Variants in MYO1E observed in about 807,000 individuals in gnomAD.
MYO1E encodes the protein unconventional myosin-Ie.
A neutral mutation model predicts 151.1 loss-of-function variants in MYO1E; 68 were observed. The ratio of observed to expected loss-of-function variants is 0.45; its 90% CI spans 0.37 to 0.55. The LOEUF (loss-of-function observed/expected upper bound fraction) is 0.55. Ranked by LOEUF, MYO1E falls within the 20% of genes least tolerant of loss-of-function variation. MYO1E has a pLI of 0.00. For missense variants in MYO1E, 1,363 were observed against 1,389.3 expected (o/e 0.98, Z 0.30); for synonymous variants, 601 against 501.7 (o/e 1.20, Z -2.64).
chr15:59,269,259 T>C (rs1037335297), intron 2 of MYO1E, among the ~76,000 whole-genome samples: 3 of 152,194 alleles, frequency 2.0e-5, no homozygotes, highest in East Asian at 3.9e-4. Context: ...AACAGCCTTA[T>C]GTGGGAGATT....
rs1324253097 is a variant in MYO1E, at chr15:59,161,230, C to A, written c.2628G>T (p.Thr876=). ...QKQLPLKFSN[T]LELKLKKENW... ...TTTCCTTTTTCAACTTCAGTTCAAGCCTGCAAAAAGCACAGTGGGGTTAAC... is the reference window on the plus strand; with the variant it reads ...TTTCCTTTTTCAACTTCAGTTCAAGACTGCAAAAAGCACAGTGGGGTTAAC... Residue 876 remains threonine (T), a splice_region_variant and synonymous_variant, in exon 24 of 28, where the codon ACG becomes ACT. Transcript: ENST00000288235. 1.2e-6 allele frequency: 2 copies of A among 1,613,676 alleles called. No homozygotes were observed.
chr15:59,179,575 T>C (rs1256024567), intron 18 of MYO1E, among the ~76,000 whole-genome samples: 4 of 152,204 alleles, frequency 2.6e-5, no homozygotes. Flanking sequence ...TACAGCAACC[T>C]GATCAGGTTG....
intron 24 of MYO1E, among the ~76,000 whole-genome samples, chr15:59,160,597 T>C (rs1468978511): frequency 6.6e-6 from 1 of 151,928 alleles, no homozygotes; most frequent in Non-Finnish European, 1.5e-5. Context: ...TTTATTTTTG[T>C]GTGTGGAGAC....
At chr15:59,341,994 TGA>T (rs1270745590) in intron 1 of MYO1E, among the ~76,000 whole-genome samples, 6 of 152,182 alleles carry the variant, frequency 3.9e-5, no homozygotes, top group Admixed American at 1.3e-4. Context: ...CAACGGTGTA[TGA>T]GAGTTCCCTT....
intron 1 of MYO1E, among the ~76,000 whole-genome samples, chr15:59,339,650 G>A (rs1444472585): frequency 2.0e-5 from 3 of 151,836 alleles, no homozygotes; most frequent in African/African-American, 7.3e-5. Flanking sequence ...TTTCCTTCTC[G>A]TTCCTATAGT....
At chr15:59,209,013 G>T (rs1365306559) in intron 13 of MYO1E, 165 bp from the exon 14 acceptor site, 1 of 816,624 alleles carries the variant, frequency 1.2e-6, no homozygotes, top group Non-Finnish European at 2.0e-6. Flanking sequence ...TCCCAAATAG[G>T]GAGTCACCAC....
At chr15:59,268,720 A>ATTTTTTTTTTTTTTTTTTTTT (rs398027512) in intron 2 of MYO1E, among the ~76,000 whole-genome samples, 698 of 44,896 alleles carry the variant, frequency 0.016, 254 homozygotes, top group Non-Finnish European at 0.024. Context: ...TGACTTTGGT[A>ATTTTTTTTTTTTTTTTTTTTT]TTTTTTTTTT....
At chr15:59,157,984 C>T (rs1171559142) in intron 25 of MYO1E, among the ~76,000 whole-genome samples, 1 of 152,200 alleles carries the variant, frequency 6.6e-6, no homozygotes, top group Non-Finnish European at 1.5e-5. Context: ...AAGCTGACAA[C>T]AGTCTGGTTG....
At chr15:59,308,179 T>A (rs1342156233) in intron 1 of MYO1E, among the ~76,000 whole-genome samples, 1 of 125,032 alleles carries the variant, frequency 8.0e-6, no homozygotes, top group South Asian at 2.6e-4. Flanking sequence ...GCCAAGATCA[T>A]GCCACTGCAC....
intron 1 of MYO1E, among the ~76,000 whole-genome samples, chr15:59,371,058 A>G (rs1306276742): frequency 6.6e-6 from 1 of 152,224 alleles, no homozygotes; most frequent in East Asian, 1.9e-4. Context: ...GAGGAAATGT[A>G]TAGACAAAGT....
intron 18 of MYO1E, among the ~76,000 whole-genome samples, chr15:59,182,972 C>T (rs911359328): frequency 6.6e-6 from 1 of 152,190 alleles, no homozygotes; most frequent in Non-Finnish European, 1.5e-5. Context: ...CTAGATCCCT[C>T]GCACGTGCAG....
chr15:59,227,638 G>T (rs369065655), intron 6 of MYO1E, 48 bp from the exon 7 acceptor site: 2 of 1,608,184 alleles, frequency 1.2e-6, no homozygotes, highest in Non-Finnish European at 1.7e-6. Context: ...AACAAAACAT[G>T]ATGTCCCAAA....
At chr15:59,371,767 G>A in intron 1 of MYO1E, among the ~76,000 whole-genome samples, 1 of 151,962 alleles carries the variant, frequency 6.6e-6, no homozygotes, top group South Asian at 2.1e-4. Flanking sequence ...TTCAGGAGGT[G>A]TTTACTTGGC....
At chr15:59,352,201 G>C (rs912682744) in intron 1 of MYO1E, among the ~76,000 whole-genome samples, 1 of 152,186 alleles carries the variant, frequency 6.6e-6, no homozygotes, top group Non-Finnish European at 1.5e-5. Flanking sequence ...GATTCCACTT[G>C]GAAGAATCGC....
At chr15:59,265,152 C>T (rs2080245887) in intron 2 of MYO1E, among the ~76,000 whole-genome samples, 4 of 152,192 alleles carry the variant, frequency 2.6e-5, no homozygotes, top group African/African-American at 2.4e-5. Context: ...ATGTCTACAT[C>T]TATCCCCAGG....
chr15:59,311,865 A>G (rs2080554470), intron 1 of MYO1E, among the ~76,000 whole-genome samples: 1 of 152,088 alleles, frequency 6.6e-6, no homozygotes, highest in African/African-American at 2.4e-5. Flanking sequence ...GCTATCTCTC[A>G]CACACTTTCT....
intron 16 of MYO1E, among the ~76,000 whole-genome samples, chr15:59,199,137 C>T (rs2079785779): frequency 6.6e-6 from 1 of 152,132 alleles, no homozygotes; most frequent in South Asian, 2.1e-4. Flanking sequence ...GCTCTGTCGC[C>T]CAGGCTGGAG....
intron 3 of MYO1E, among the ~76,000 whole-genome samples, chr15:59,259,083 C>T (rs1566994528): frequency 6.6e-6 from 1 of 152,114 alleles, no homozygotes; most frequent in Non-Finnish European, 1.5e-5. Context: ...AGGCATGAGC[C>T]ACCATGCCCA....
chr15:59,272,187 T>C (rs1376108910), intron 2 of MYO1E, 119 bp downstream of exon 2: 2 of 1,170,220 alleles, frequency 1.7e-6, no homozygotes, highest in Non-Finnish European at 2.6e-6. Flanking sequence ...ACTCCTGCCT[T>C]AGCCTTCCAA....
Sources: allele counts gnomAD v4.1 joint callset (sites outside exome capture counted in the v4.1 genomes callset), GRCh38; gene constraint gnomAD v4.1.1; transcripts MANE v1.5; gene names NCBI Gene and HGNC (gene_info 2026-07-23, HGNC 2026-07-21).